MCTP1: variants seen among roughly 807,000 people sequenced by gnomAD.
MCTP1 encodes multiple C2 and transmembrane domain containing 1.
Under a neutral mutation model 120.6 loss-of-function variants are expected in MCTP1, and 69 were observed. The ratio of observed to expected loss-of-function variants is 0.57; its 90% CI spans 0.47 to 0.70. MCTP1 has a LOEUF of 0.70. Ranked by LOEUF, MCTP1 falls within the 30% of genes least tolerant of loss-of-function variation. The pLI is 0.00. For synonymous variants in MCTP1, 529 were observed against 493.1 expected, an observed-to-expected ratio of 1.07 and a Z score of -0.96; for missense variants, 1,203 against 1,248.8, an observed-to-expected ratio of 0.96 and a Z score of 0.55.
intron 18 of MCTP1, among the ~76,000 whole-genome samples, chr5:94,791,639 G>A (rs2152988905): frequency 6.6e-6 from 1 of 152,314 alleles, no homozygotes; most frequent in South Asian, 2.1e-4. Flanking sequence ...TGCGTTAAAG[G>A]TGATTCAATT....
chr5:94,866,130 C>G lies in MCTP1; in HGVS notation c.2436+2203G>C, dbSNP rs17084181. On this transcript the variant is annotated intron_variant, in intron 17 of 22. Coordinates refer to ENST00000515393, the MANE Select transcript of MCTP1 (RefSeq NM_024717.7). The stretch of plus-strand genomic sequence containing the variant: ...AATAACTAGCTTCCTTAGAGCAAAC[C>G]CTTATTTATCTGGCATCATTGAAGA... 6.2e-4 allele frequency among the ~76,000 whole-genome samples: 94 copies of G among 151,876 alleles called. 1 individual carries two copies. In the East Asian group the frequency reaches 0.017, roughly 28 times the overall value.
intron 19 of MCTP1, among the ~76,000 whole-genome samples, chr5:94,765,733 C>T (rs1003269680): frequency 2.5e-5 from 3 of 121,476 alleles, no homozygotes; most frequent in African/African-American, 9.2e-5. Flanking sequence ...AAGCACTAAA[C>T]AAAATAGAGA....
intron 19 of MCTP1, among the ~76,000 whole-genome samples, chr5:94,730,044 A>G (rs1350557184): frequency 3.3e-5 from 5 of 152,220 alleles, no homozygotes; most frequent in Non-Finnish European, 7.3e-5. Flanking sequence ...CAGGGTGGAT[A>G]TATTCGGGAT....
intron 2 of MCTP1, among the ~76,000 whole-genome samples, chr5:95,001,675 T>C (rs555335472): frequency 3.9e-5 from 6 of 152,242 alleles, no homozygotes; most frequent in Admixed American, 3.3e-4. Context: ...AGAGATGATT[T>C]AGGGTATCTG....
intron 1 of MCTP1, among the ~76,000 whole-genome samples, chr5:95,061,591 A>G (rs1244234451): frequency 6.7e-6 from 1 of 149,820 alleles, no homozygotes; most frequent in African/African-American, 2.5e-5. Flanking sequence ...GCCCGCCACT[A>G]CGCCCGGCTA....
At chr5:94,994,135 G>A (rs1832150528) in intron 2 of MCTP1, among the ~76,000 whole-genome samples, 1 of 152,200 alleles carries the variant, frequency 6.6e-6, no homozygotes, top group African/African-American at 2.4e-5. Context: ...CTATGTCAAA[G>A]TCTATGACCA....
intron 1 of MCTP1, among the ~76,000 whole-genome samples, chr5:95,195,256 C>A (rs892147769): frequency 2.0e-5 from 3 of 152,158 alleles, no homozygotes; most frequent in Non-Finnish European, 4.4e-5. Context: ...GTTTTTCCCC[C>A]GTGGCAACTT....
At chr5:94,897,163 G>T (rs1408892778) in intron 10 of MCTP1, among the ~76,000 whole-genome samples, 3 of 150,588 alleles carry the variant, frequency 2.0e-5, no homozygotes, top group Non-Finnish European at 4.4e-5. Flanking sequence ...CACAAGCTTG[G>T]GTGATTCTTC....
At chr5:94,938,160 AATGCAGC>A (rs1280171030) in intron 5 of MCTP1, among the ~76,000 whole-genome samples, 2 of 152,026 alleles carry the variant, frequency 1.3e-5, no homozygotes, top group Non-Finnish European at 2.9e-5. Flanking sequence ...TGTTTTCTAC[AATGCAGC>A]CACAGAGGTA....
chr5:95,012,339 GTAGTT>G (rs1836170627), intron 2 of MCTP1, among the ~76,000 whole-genome samples: 2 of 152,204 alleles, frequency 1.3e-5, no homozygotes, highest in South Asian at 2.1e-4. Context: ...ATATCATTAA[GTAGTT>G]TCAGAATCAA....
At chr5:94,896,420 T>G (rs1561820446) in intron 10 of MCTP1, among the ~76,000 whole-genome samples, 1 of 152,138 alleles carries the variant, frequency 6.6e-6, no homozygotes, top group African/African-American at 2.4e-5. Flanking sequence ...CTTTTTTTTT[T>G]CTTTTTTTTC....
chr5:95,011,503 G>A (rs768498865), intron 2 of MCTP1, among the ~76,000 whole-genome samples: 3 of 152,110 alleles, frequency 2.0e-5, no homozygotes, highest in Non-Finnish European at 4.4e-5. Context: ...GGAGGGACCT[G>A]GTGGGAGGTG....
At chr5:94,978,267 G>T (rs2153589303) in intron 2 of MCTP1, among the ~76,000 whole-genome samples, 1 of 152,072 alleles carries the variant, frequency 6.6e-6, no homozygotes, top group Admixed American at 6.6e-5. Flanking sequence ...GCAAAATGGT[G>T]CAGTTACTGT....
intron 19 of MCTP1, among the ~76,000 whole-genome samples, chr5:94,743,687 G>A (rs1375365994): frequency 2.8e-5 from 4 of 143,092 alleles, no homozygotes; most frequent in South Asian, 2.2e-4. Context: ...GCCCAGGCTC[G>A]AGTGCAGTGG....
At chr5:94,759,907 A>G (rs1770896352) in intron 19 of MCTP1, among the ~76,000 whole-genome samples, 1 of 140,226 alleles carries the variant, frequency 7.1e-6, no homozygotes, top group East Asian at 1.9e-4. Flanking sequence ...CAAAGAGAAA[A>G]AAAAAAAAAA....
rs201724037 is a variant in MCTP1 at position 95,009,056 on chromosome 5, AAGAGAGAGAGAGAGAGAGAGAG to A, written c.838+8289_838+8310del. Among the ~76,000 whole-genome samples, 134 of 129,554 alleles carry A rather than the reference AAGAGAGAGAGAGAGAGAGAGAG, an allele frequency of 1.0e-3. 1 individual carries two copies. The highest frequency in any genetic ancestry group is 1.1e-3 in the South Asian group (4 of 3,760). The allele number at this position is 129,554 out of a possible 152,430, so 85.0% of individuals were successfully genotyped here. ...TAAGAGTGAGAGTGAGAGAGGGAGA[AAGAGAGAGAGAGAGAGAGAGAG>A]AGAGAGAGAGAGAGAGAGAGAGAGA... On this transcript the variant is annotated intron_variant, in intron 2 of 22. Coordinates refer to ENST00000515393, the MANE Select transcript of MCTP1 (RefSeq NM_024717.7).
chr5:94,842,315 C>G (rs969462945), intron 17 of MCTP1, among the ~76,000 whole-genome samples: 2 of 152,136 alleles, frequency 1.3e-5, no homozygotes, highest in Non-Finnish European at 2.9e-5. Flanking sequence ...AAGCTTCTTA[C>G]TTGATTTTAT....
At chr5:94,976,869 T>G (rs1322595777) in intron 2 of MCTP1, 1 of 152,120 alleles carries the variant, frequency 6.6e-6, no homozygotes, top group Non-Finnish European at 1.5e-5. Context: ...CCATAGCTAA[T>G]ATCATACTCA....
Position 95,284,621 on chromosome 5 carries a change from T to C in MCTP1, c.-46A>G, listed in dbSNP as rs1760611817. 18 of 1,335,242 alleles carry C rather than the reference T, an allele frequency of 1.3e-5. No individual in the cohort carries two copies. The highest frequency in any genetic ancestry group is 1.7e-5 in the Non-Finnish European group (18 of 1,031,868). The allele number at this position is 1,335,242 out of a possible 1,614,324, so 82.7% of individuals were successfully genotyped here. A position where few individuals can be genotyped will look rare whatever the true frequency, so the allele number is the denominator to read the frequency against. Reference sequence around the variant, plus strand: ...TCTCCCCTCCTCCTCCTCCTCCTCCTCCTGCTTCTCCTCCCTCTTCGGCTG... The same window carrying C: ...TCTCCCCTCCTCCTCCTCCTCCTCCCCCTGCTTCTCCTCCCTCTTCGGCTG... On this transcript the variant is annotated 5_prime_UTR_variant, in exon 1 of 23. Coordinates refer to ENST00000515393, the MANE Select transcript of MCTP1 (RefSeq NM_024717.7). The surrounding 1 kb of genome is among the most constrained non-coding windows in gnomAD (Gnocchi z 5.2).
Sources: allele counts gnomAD v4.1 joint callset (sites outside exome capture counted in the v4.1 genomes callset), GRCh38; gene constraint gnomAD v4.1.1; non-coding constraint Gnocchi (gnomAD v3.1); transcripts MANE v1.5; gene names NCBI Gene and HGNC (gene_info 2026-07-23, HGNC 2026-07-21).